The following VWF variants were observed in gnomAD, a reference collection of about 807,000 sequenced individuals.
VWF encodes von Willebrand factor.
Under a neutral mutation model 308.6 loss-of-function variants are expected in VWF, and 176 were observed. The ratio of observed to expected loss-of-function variants is 0.57; its 90% CI spans 0.50 to 0.65. The LOEUF (loss-of-function observed/expected upper bound fraction) is 0.65. VWF is among the 30% of genes least tolerant of loss of function. The probability of loss-of-function intolerance (pLI) is 0.00; values close to 1 mark genes in which losing one functional copy is unlikely to be tolerated. For missense variants in VWF, 3,146 were observed against 3,648.2 expected (o/e 0.86, Z 3.55); for synonymous variants, 1,385 against 1,443.4 (o/e 0.96, Z 0.92).
At chr12:6,022,429 G>A (rs563995648) in intron 26 of VWF, among the ~76,000 whole-genome samples, 13 of 152,072 alleles carry the variant, frequency 8.5e-5, no homozygotes, top group Admixed American at 7.9e-4. Flanking sequence ...CAAAACTTCA[G>A]TTCCTCAGAC....
chr12:6,121,589 T>C (rs2136535892), intron 2 of VWF, among the ~76,000 whole-genome samples: 1 of 152,322 alleles, frequency 6.6e-6, no homozygotes, highest in South Asian at 2.1e-4. Context: ...CTTACTGATT[T>C]AAAATGTCAT....
chr12:6,103,381 T>TGTGTGTATACACGTGTGTGTATAC (rs1945191902), intron 5 of VWF, among the ~76,000 whole-genome samples: 2 of 130,460 alleles, frequency 1.5e-5, no homozygotes, highest in African/African-American at 3.2e-5. Flanking sequence ...TGTGTGTGTA[T>TGTGTGTATACACGTGTGTGTATAC]ACACGTGTGT....
intron 47 of VWF, 96 bp downstream of exon 47, chr12:5,967,390 A>C: frequency 1.0e-6 from 1 of 997,906 alleles, no homozygotes; most frequent in Non-Finnish European, 1.6e-6. Flanking sequence ...GAAAATAATG[A>C]GAGATTTATT....
At chr12:5,958,417 T>C (rs187552852) in intron 47 of VWF, among the ~76,000 whole-genome samples, 1 of 152,258 alleles carries the variant, frequency 6.6e-6, no homozygotes, top group East Asian at 1.9e-4. Context: ...GCCAGTGAGG[T>C]GGCTTCATGC....
chr12:6,031,579 C>G lies in VWF; in HGVS notation c.2686-1G>C, dbSNP rs61748488. The G allele has an allele frequency of 6.2e-7, 1 of 1,614,100 alleles. No homozygotes were observed. The highest frequency in any genetic ancestry group is 8.5e-7 in the Non-Finnish European group (1 of 1,180,014). ...TCCCAGGGTTACTGCCGCAGTAATC[C>G]TGGGGAAAGAGGAGTGCCAGGAGAA... On this transcript the variant is annotated splice_acceptor_variant, in intron 20 of 51. Transcript: ENST00000261405. LOFTEE classifies it high-confidence loss of function.
intron 47 of VWF, among the ~76,000 whole-genome samples, chr12:5,958,310 G>A (rs942263131): frequency 5.9e-5 from 9 of 152,120 alleles, no homozygotes; most frequent in African/African-American, 1.2e-4. Context: ...TTCAAGAGAC[G>A]CACTTTTAAT....
intron 2 of VWF, chr12:6,122,631 G>A (rs1006336913): frequency 3.0e-5 from 12 of 401,652 alleles, no homozygotes; most frequent in Admixed American, 1.5e-4. Context: ...GTCCCCTCCC[G>A]CCATTTGCAG....
At chr12:5,989,701 A>C (rs945262679) in intron 38 of VWF, among the ~76,000 whole-genome samples, 8 of 152,226 alleles carry the variant, frequency 5.3e-5, no homozygotes, top group African/African-American at 1.9e-4. Flanking sequence ...AAGGAGAAGC[A>C]AAGGATAGGG....
intron 20 of VWF, among the ~76,000 whole-genome samples, chr12:6,032,096 A>G (rs1944270041): frequency 6.6e-6 from 1 of 152,224 alleles, no homozygotes; most frequent in Admixed American, 6.5e-5. Flanking sequence ...AGAGAGGATA[A>G]GGAGCTCTGG....
chr12:6,093,317 G>C (rs1945070790), intron 6 of VWF, among the ~76,000 whole-genome samples: 2 of 152,100 alleles, frequency 1.3e-5, no homozygotes, highest in Admixed American at 1.3e-4. Context: ...CCTCAGGAAT[G>C]GCCCTCAGCC....
At position 6,092,628 on chromosome 12, in the gene VWF, T is replaced by TGAGAGAGAGAGAGAGAGAGA. The variant is rs1565386731; in HGVS notation, c.657+2831_657+2832insTCTCTCTCTCTCTCTCTCTC. On this transcript the variant is annotated intron_variant, in intron 6 of 51. Transcript: ENST00000261405. Reference sequence around the variant, plus strand: ...TAGTGAGTGAGTGAGAGTGTGTGTGTGTGTGTGTGTGTGTGTGTGTGTGTG... The same window carrying TGAGAGAGAGAGAGAGAGAGA: ...TAGTGAGTGAGTGAGAGTGTGTGTGTGAGAGAGAGAGAGAGAGAGAGTGTGTGTGTGTGTGTGTGTGTGTG... 8.0e-4 allele frequency among the ~76,000 whole-genome samples: 64 copies of TGAGAGAGAGAGAGAGAGAGA among 80,232 alleles called. 1 individual carries two copies. The highest frequency in any genetic ancestry group is 4.6e-3 in the African/African-American group (61 of 13,282). The allele number at this position is 80,232 out of a possible 152,430, so 52.6% of individuals were successfully genotyped here. A position where few individuals can be genotyped will look rare whatever the true frequency, so the allele number is the denominator to read the frequency against.
rs1238314601 is a variant in VWF, at chr12:6,041,879, C to T, written c.2442+2412G>A. Among the ~76,000 whole-genome samples, 11 of 152,270 alleles carry T rather than the reference C, an allele frequency of 7.2e-5. No homozygotes were observed. The East Asian group carries it at 2.1e-3, about 29-fold the overall frequency. On this transcript the variant is annotated intron_variant, in intron 18 of 51. Coordinates refer to ENST00000261405, the MANE Select transcript of VWF (RefSeq NM_000552.5). Reference sequence around the variant, plus strand: ...AGGCTGGAAATCTAAGAAAAAGCATCCTTTACAGGTCTCTCCTATGGACAG... The same window carrying T: ...AGGCTGGAAATCTAAGAAAAAGCATTCTTTACAGGTCTCTCCTATGGACAG...
chr12:6,016,673 A>C lies in VWF; in HGVS notation c.5171-17T>G. On this transcript the variant is annotated splice_polypyrimidine_tract_variant and intron_variant, in intron 29 of 51. Coordinates refer to ENST00000261405, the MANE Select transcript of VWF (RefSeq NM_000552.5). ...GACGAGGCCCTAAACGGAACGAGAA[A>C]ATGCGGATTATTTTGAATCAAGTAG... 1 of 1,614,240 alleles carries C rather than the reference A, an allele frequency of 6.2e-7. No individual in the cohort carries two copies. The highest frequency in any genetic ancestry group is 8.5e-7 in the Non-Finnish European group (1 of 1,180,048).
Position 5,994,129 on chromosome 12 carries a change from C to A in VWF, c.6331G>T (p.Val2111Phe). The A allele has an allele frequency of 1.2e-6, 2 of 1,614,208 alleles. No homozygotes were observed. Among genetic ancestry groups the A allele is most frequent in the Middle Eastern group, 1.6e-4 (1 of 6,062 alleles). Residue 2111 changes from valine to phenylalanine, a missense_variant, in exon 37 of 52, where the codon GTT becomes TTT. Physicochemically the swap from Val to Phe is conservative, Grantham distance 50. Around this residue, in one of 3 missense-constraint regions of VWF, gnomAD observed 989 missense variants for 1,117.4 expected, o/e 0.89. Coordinates refer to ENST00000261405, the MANE Select transcript of VWF (RefSeq NM_000552.5). ...GGCCGCTGCACAGTCCATTCCTGAA[C>A]AAGTGTTTTCCAGTCTGTGGTGACT... ...GTVTTDWKTLVQEWTVQRPGQ... is the reference protein window; with the variant it reads ...GTVTTDWKTLFQEWTVQRPGQ...
At chr12:6,036,289 AGG>A in intron 19 of VWF, 97 bp downstream of exon 19, 2 of 1,014,248 alleles carry the variant, frequency 2.0e-6, no homozygotes, top group Non-Finnish European at 3.1e-6. Context: ...AGGTTCCCAC[AGG>A]GGGCTGGAGG....
At chr12:6,086,632 A>G (rs548570120) in intron 6 of VWF, among the ~76,000 whole-genome samples, 2 of 152,336 alleles carry the variant, frequency 1.3e-5, no homozygotes, top group East Asian at 1.9e-4. Context: ...CAAGGAGAAG[A>G]AGGAGGGAAG....
chr12:6,082,870 C>A (rs1944929430), intron 6 of VWF, among the ~76,000 whole-genome samples: 1 of 152,182 alleles, frequency 6.6e-6, no homozygotes. Flanking sequence ...ACCCTGAGTG[C>A]CTGAGTCCAT....
intron 6 of VWF, among the ~76,000 whole-genome samples, chr12:6,085,489 T>C (rs2109118): frequency 0.37 from 56,105 of 152,054 alleles, 12,541 homozygotes; most frequent in Non-Finnish European, 0.5. Flanking sequence ...GTCCATTCTG[T>C]TGCTCACCAG....
In VWF at chr12:6,092,614, T is replaced by TGAGAGAGA. The variant is rs1555073700; in HGVS notation, c.657+2845_657+2846insTCTCTCTC. On this transcript the variant is annotated intron_variant, in intron 6 of 51. Transcript: ENST00000261405. ...CATGCCCAGCTAGTTAGTGAGTGAGTGAGAGTGTGTGTGTGTGTGTGTGTG... is the reference window on the plus strand; with the variant it reads ...CATGCCCAGCTAGTTAGTGAGTGAGTGAGAGAGAGAGAGTGTGTGTGTGTGTGTGTGTG... Among the ~76,000 whole-genome samples, 301 of 86,074 alleles carry TGAGAGAGA rather than the reference T, an allele frequency of 3.5e-3. 10 individuals are homozygous for TGAGAGAGA. The highest frequency in any genetic ancestry group is 7.2e-3 in the East Asian group (23 of 3,184). The allele number at this position is 86,074 out of a possible 152,430, so 56.5% of individuals were successfully genotyped here. A position where few individuals can be genotyped will look rare whatever the true frequency, so the allele number is the denominator to read the frequency against.
Sources: allele counts gnomAD v4.1 joint callset (sites outside exome capture counted in the v4.1 genomes callset), GRCh38; gene constraint gnomAD v4.1.1; regional missense constraint gnomAD v4.1.1; transcripts MANE v1.5; gene names NCBI Gene and HGNC (gene_info 2026-07-23, HGNC 2026-07-21).